The following ATCAY variants were observed in gnomAD, a reference collection of about 807,000 sequenced individuals.
ATCAY encodes caytaxin.
A neutral mutation model predicts 47.7 loss-of-function variants in ATCAY; 22 were observed. The observed-to-expected ratio is 0.46, with a 90% confidence interval of 0.33 to 0.66. The LOEUF is 0.66. Ranked by LOEUF, ATCAY falls within the 30% of genes least tolerant of loss-of-function variation. ATCAY has a pLI of 0.02. For missense variants in ATCAY, 452 were observed against 515.0 expected (o/e 0.88, Z 1.18); for synonymous variants, 216 against 207.6 (o/e 1.04, Z -0.35).
At chr19:3,899,655 C>T (rs554847256) in intron 2 of ATCAY, among the ~76,000 whole-genome samples, 23 of 152,212 alleles carry the variant, frequency 1.5e-4, no homozygotes, top group African/African-American at 5.1e-4. Context: ...TGCATTCCAC[C>T]GCCCTTCCAT....
chr19:3,908,772 C>T (rs1299546880), intron 6 of ATCAY, among the ~76,000 whole-genome samples: 4 of 102,764 alleles, frequency 3.9e-5, no homozygotes, highest in African/African-American at 1.6e-4. Context: ...TCCTCCTCCC[C>T]CCTCTTCCTT....
At chr19:3,921,895 T>TAA (rs113006554) in intron 12 of ATCAY, among the ~76,000 whole-genome samples, 302 of 142,408 alleles carry the variant, frequency 2.1e-3, no homozygotes, top group African/African-American at 5.4e-3. Context: ...AGACTCTGTT[T>TAA]AAAAAAAAAA....
At chr19:3,912,531 C>T (rs1221938035) in intron 8 of ATCAY, among the ~76,000 whole-genome samples, 4 of 152,038 alleles carry the variant, frequency 2.6e-5, no homozygotes, top group African/African-American at 7.2e-5. Context: ...AGGATGGTCT[C>T]GATCTCCTGA....
At chr19:3,915,885 T>C (rs1292765512) in intron 9 of ATCAY, among the ~76,000 whole-genome samples, 2 of 151,536 alleles carry the variant, frequency 1.3e-5, no homozygotes, top group African/African-American at 4.9e-5. Flanking sequence ...AGACGGAGTT[T>C]TGTCATGTTG....
At position 3,924,795 on chromosome 19, in the gene ATCAY, G is replaced by A; in HGVS notation, c.*203G>A. Reference sequence around the variant, plus strand: ...TGTATTTTTTTTTTTTAACGATGCAGTATTTGTGCGTTCCAGAAAAGGGCC... The same window carrying A: ...TGTATTTTTTTTTTTTAACGATGCAATATTTGTGCGTTCCAGAAAAGGGCC... On this transcript the variant is annotated 3_prime_UTR_variant, in exon 13 of 13. Transcript: ENST00000450849. 1 of 575,878 alleles carries A rather than the reference G, an allele frequency of 1.7e-6. No homozygotes were observed. The highest frequency in any genetic ancestry group is 3.1e-6 in the Non-Finnish European group (1 of 326,548). The allele number at this position is 575,878 out of a possible 1,614,324, so 35.7% of individuals were successfully genotyped here. A position where few individuals can be genotyped will look rare whatever the true frequency, so the allele number is the denominator to read the frequency against.
chr19:3,907,879 G>C lies in ATCAY; in HGVS notation c.504G>C (p.Leu168=), dbSNP rs989658294. 4 of 1,613,934 alleles carry C rather than the reference G, an allele frequency of 2.5e-6. No individual in the cohort carries two copies. Among genetic ancestry groups the C allele is most frequent in the Admixed American group, 1.7e-5 (1 of 60,006 alleles). The change falls in exon 5 of 13, where the codon CTG becomes CTC. Residue 168 remains leucine (L), a synonymous_variant. Transcript: ENST00000450849. The surrounding 1 kb of genome is among the most constrained non-coding windows in gnomAD (Gnocchi z 5.1). ...GGGAGCAAGAGCACCGTATAGACCT[G>C]CACATGATCCGGCCTTACATGAAAG... ...IIGEQEHRID[L]HMIRPYMKVV... is the part of the protein sequence containing the mutation.
chr19:3,888,061 G>A (rs1023550301), intron 2 of ATCAY, among the ~76,000 whole-genome samples: 7 of 151,392 alleles, frequency 4.6e-5, no homozygotes, highest in Admixed American at 2.6e-4. Flanking sequence ...GTTGCAGTGA[G>A]CCGAGATGTG....
Position 3,907,698 on chromosome 19 carries a change from C to T in ATCAY, c.359-36C>T, listed in dbSNP as rs367719696. 4.3e-6 allele frequency: 7 copies of T among 1,611,112 alleles called. No homozygotes were observed. The highest frequency in any genetic ancestry group is 5.9e-6 in the Non-Finnish European group (7 of 1,178,450). On this transcript the variant is annotated intron_variant, in intron 4 of 12. Coordinates refer to ENST00000450849, the MANE Select transcript of ATCAY (RefSeq NM_033064.5). This position sits in a 1 kb window ranked among gnomAD's most constrained non-coding sequence, Gnocchi z 5.1. The stretch of plus-strand genomic sequence containing the variant: ...CAGGAGGGCAGGAGATATCCGGACT[C>T]TGGCGTCCATGCGACTCTCCGCCAC...
At chr19:3,917,675 G>T in intron 9 of ATCAY, 67 bp from the exon 10 acceptor site, 1 of 1,575,208 alleles carries the variant, frequency 6.3e-7, no homozygotes, top group Non-Finnish European at 8.7e-7. Flanking sequence ...AAAGGAAAGG[G>T]ATTTCCCCAA....
Position 3,907,882 on chromosome 19 carries a change from C to T in ATCAY, c.507C>T (p.His169=), listed in dbSNP as rs2038878408. 7 of 1,613,954 alleles carry T rather than the reference C, an allele frequency of 4.3e-6. No individual in the cohort carries two copies. The highest frequency in any genetic ancestry group is 1.6e-4 in the Middle Eastern group (1 of 6,062). The change falls in exon 5 of 13, where the codon CAC becomes CAT. Residue 169 remains histidine (H), a synonymous_variant. Transcript: ENST00000450849. The surrounding 1 kb of genome is among the most constrained non-coding windows in gnomAD (Gnocchi z 5.1). ...IGEQEHRIDL[H]MIRPYMKVVT... ...AGCAAGAGCACCGTATAGACCTGCA[C>T]ATGATCCGGCCTTACATGAAAGTGG...
intron 9 of ATCAY, among the ~76,000 whole-genome samples, chr19:3,917,199 A>G (rs2038973392): frequency 6.6e-6 from 1 of 151,570 alleles, no homozygotes; most frequent in Non-Finnish European, 1.5e-5. Context: ...CTGAGGCCAG[A>G]GGATCGCTTG....
intron 6 of ATCAY, among the ~76,000 whole-genome samples, chr19:3,908,700 C>G (rs2038890297): frequency 8.5e-6 from 1 of 117,812 alleles, no homozygotes; most frequent in Admixed American, 8.2e-5. Context: ...CCTCCCCCCT[C>G]CTCCTCCCTT....
chr19:3,920,343 C>CT (rs772143778), intron 11 of ATCAY: 4,878 of 143,256 alleles, frequency 0.034, 121 homozygotes, highest in East Asian at 0.08. Context: ...GACCCTGTAT[C>CT]TTTTTTTTTT....
chr19:3,918,822 G>A lies in ATCAY; in HGVS notation c.1018G>A (p.Glu340Lys). 6.2e-7 allele frequency: 1 copy of A among 1,614,014 alleles called. No homozygotes were observed. The highest frequency in any genetic ancestry group is 8.5e-7 in the Non-Finnish European group (1 of 1,179,878). ...ARRESARPQP[E>K]FVLPRSEEKP... ...TGTCCACAGCGCGAGGCCCCAGCCGGAGTTTGTGCTGCCCAGGTCTGAAGA... is the reference window on the plus strand; with the variant it reads ...TGTCCACAGCGCGAGGCCCCAGCCGAAGTTTGTGCTGCCCAGGTCTGAAGA... The change falls in exon 11 of 13, where the codon GAG (glutamate) becomes AAG (lysine). Residue 340 changes from glutamate (E) to lysine (K), a missense_variant. Physicochemically the swap from Glu to Lys is moderately conservative, Grantham distance 56 (BLOSUM62 1). Coordinates refer to ENST00000450849, the MANE Select transcript of ATCAY (RefSeq NM_033064.5).
chr19:3,908,456 G>C, intron 6 of ATCAY, 86 bp downstream of exon 6: 5 of 1,266,100 alleles, frequency 3.9e-6, no homozygotes, highest in Non-Finnish European at 5.6e-6. Context: ...GGATTGCATT[G>C]TGGCCCTAGG....
At chr19:3,893,915 C>T (rs998446751) in intron 2 of ATCAY, among the ~76,000 whole-genome samples, 5 of 152,064 alleles carry the variant, frequency 3.3e-5, no homozygotes, top group Non-Finnish European at 7.4e-5. Context: ...GCGCCAGGCA[C>T]CCTGAGTCTG....
intron 1 of ATCAY, among the ~76,000 whole-genome samples, chr19:3,884,026 C>T (rs539917300): frequency 1.2e-3 from 175 of 152,048 alleles, no homozygotes; most frequent in African/African-American, 3.9e-3. Flanking sequence ...GGGGGTGGGG[C>T]GGCACAGTGG....
intron 9 of ATCAY, among the ~76,000 whole-genome samples, chr19:3,914,329 G>A (rs1035484628): frequency 8.6e-5 from 13 of 151,520 alleles, no homozygotes; most frequent in African/African-American, 3.2e-4. Context: ...GTCTCCCATG[G>A]CGGCAGAGAA....
rs1386268154 is a variant in ATCAY at position 3,902,928 on chromosome 19, C to T, written c.136+383C>T. Among the ~76,000 whole-genome samples the T allele has an allele frequency of 2.6e-5, 4 of 152,236 alleles. No individual in the cohort carries two copies. In the East Asian group the frequency reaches 7.7e-4, roughly 29 times the overall value. On this transcript the variant is annotated intron_variant, in intron 3 of 12. Coordinates refer to ENST00000450849, the MANE Select transcript of ATCAY (RefSeq NM_033064.5). ...CACTGGGAGGCTCTGCTATCTGGAG[C>T]TCTAAACATATACATTTTAATGTGT...
Sources: gnomAD v4.1 joint callset for allele counts (sites outside exome capture counted in the v4.1 genomes callset) on GRCh38, gnomAD v4.1.1 for gene constraint, Gnocchi (gnomAD v3.1) non-coding constraint, MANE v1.5 for transcripts, NCBI Gene and HGNC (gene_info 2026-07-23, HGNC 2026-07-21) for gene names.